The following TRDN variants were observed in gnomAD, a reference collection of about 807,000 sequenced individuals.
TRDN encodes triadin in skeletal muscle.
TRDN carries 161 observed loss-of-function variants against 149.7 expected under a neutral mutation model. The ratio of observed to expected loss-of-function variants is 1.08; its 90% confidence interval spans 0.95 to 1.23. TRDN has a LOEUF of 1.23. Ranked by LOEUF, TRDN falls within the 50% of genes most tolerant of loss-of-function variation. The probability of loss-of-function intolerance (pLI) is 0.00; values close to 1 mark genes in which losing one functional copy is unlikely to be tolerated. For synonymous variants in TRDN, 294 were observed against 250.5 expected, an observed-to-expected ratio of 1.17 and a Z score of -1.64; for missense variants, 896 against 823.5, an observed-to-expected ratio of 1.09 and a Z score of -1.08.
At chr6:123,301,794 TG>T (rs1778438974) in intron 24 of TRDN, among the ~76,000 whole-genome samples, 2 of 138,084 alleles carry the variant, frequency 1.4e-5, no homozygotes, top group African/African-American at 2.6e-5. Flanking sequence ...TATACATAAA[TG>T]AAAATATCTG....
At chr6:123,437,840 A>G (rs1051765939) in intron 12 of TRDN, among the ~76,000 whole-genome samples, 1 of 152,102 alleles carries the variant, frequency 6.6e-6, no homozygotes, top group African/African-American at 2.4e-5. Flanking sequence ...TTGGGGGGGA[A>G]TTGAGTTCAG....
chr6:123,462,264 G>A (rs1776493503), intron 10 of TRDN: 1 of 152,096 alleles, frequency 6.6e-6, no homozygotes, highest in Non-Finnish European at 1.5e-5. Context: ...ACGCAATGTG[G>A]GGACAACACA....
At chr6:123,597,159 T>C (rs529926245) in intron 1 of TRDN, among the ~76,000 whole-genome samples, 25 of 152,202 alleles carry the variant, frequency 1.6e-4, no homozygotes, top group South Asian at 6.2e-4. Context: ...ATTATCAGGA[T>C]TTCCTTAACA....
chr6:123,534,834 C>G (rs1363723430), intron 4 of TRDN, among the ~76,000 whole-genome samples: 1 of 152,078 alleles, frequency 6.6e-6, no homozygotes, highest in Non-Finnish European at 1.5e-5. Flanking sequence ...TTTACTTAAA[C>G]ATCATGACAC....
chr6:123,430,873 A>C (rs566103544), intron 12 of TRDN, among the ~76,000 whole-genome samples: 128 of 152,306 alleles, frequency 8.4e-4, no homozygotes, highest in African/African-American at 2.8e-3. Context: ...ATATGTGAAA[A>C]GTTATCTCAG....
At chr6:123,289,379 G>A (rs1250991534) in intron 24 of TRDN, among the ~76,000 whole-genome samples, 3 of 151,964 alleles carry the variant, frequency 2.0e-5, no homozygotes, top group Non-Finnish European at 4.4e-5. Context: ...CAAAGTTTCA[G>A]TTAAACTGGA....
intron 9 of TRDN, among the ~76,000 whole-genome samples, chr6:123,483,471 A>C (rs912041995): frequency 6.6e-6 from 1 of 152,142 alleles, no homozygotes; most frequent in Admixed American, 6.5e-5. Flanking sequence ...GATGAAAAAA[A>C]TGGCCAAATA....
At position 123,243,871 on chromosome 6, in the gene TRDN, G is replaced by T. The variant is rs139026703; in HGVS notation, c.1975+8541C>A. ...CCCCAGGAGCAAAGAGGGTTGGAAA[G>T]GGTTAGAAAATCTATTTAACGAAAT... is the stretch of plus-strand genomic sequence containing the variant. On this transcript the variant is annotated intron_variant, in intron 38 of 40. Coordinates refer to ENST00000334268, the MANE Select transcript of TRDN (RefSeq NM_006073.4). Among the ~76,000 whole-genome samples, 863 of 152,144 alleles carry T rather than the reference G, an allele frequency of 5.7e-3. 8 individuals carry two copies. Among genetic ancestry groups the T allele is most frequent in the African/African-American group, 0.02 (834 of 41,538 alleles).
chr6:123,583,619 G>A (rs1211825866), intron 1 of TRDN, among the ~76,000 whole-genome samples: 2 of 151,824 alleles, frequency 1.3e-5, no homozygotes, highest in Non-Finnish European at 2.9e-5. Flanking sequence ...ATAAAAGCTT[G>A]TCTGTTATCA....
intron 12 of TRDN, among the ~76,000 whole-genome samples, chr6:123,424,566 T>C (rs1480380269): frequency 6.6e-6 from 1 of 152,164 alleles, no homozygotes; most frequent in Non-Finnish European, 1.5e-5. Context: ...AAGCTAAAAT[T>C]CAGTTGCAAT....
intron 4 of TRDN, among the ~76,000 whole-genome samples, chr6:123,541,850 G>C (rs977855066): frequency 6.6e-6 from 1 of 152,090 alleles, no homozygotes; most frequent in African/African-American, 2.4e-5. Context: ...CACTGAATCT[G>C]CTGGCAAAGA....
At chr6:123,586,868 C>T (rs774566200) in intron 1 of TRDN, among the ~76,000 whole-genome samples, 35 of 151,380 alleles carry the variant, frequency 2.3e-4, no homozygotes, top group Non-Finnish European at 2.7e-4. Flanking sequence ...CACAGAGATA[C>T]AAGGTCAGGG....
At chr6:123,487,796 A>G (rs73544298) in intron 9 of TRDN, among the ~76,000 whole-genome samples, 17,514 of 152,106 alleles carry the variant, frequency 0.12, 1,301 homozygotes, top group Non-Finnish European at 0.16. Context: ...TCATTCACAT[A>G]CAAACAAAGC....
intron 10 of TRDN, among the ~76,000 whole-genome samples, chr6:123,448,845 T>C (rs1045605591): frequency 2.0e-5 from 3 of 152,060 alleles, no homozygotes; most frequent in African/African-American, 7.2e-5. Context: ...TCCACCAGAA[T>C]AGGCACTGGT....
intron 38 of TRDN, among the ~76,000 whole-genome samples, chr6:123,231,244 C>T (rs1582749741): frequency 1.3e-5 from 2 of 152,038 alleles, no homozygotes; most frequent in East Asian, 3.9e-4. Context: ...TGAAAAAGTA[C>T]CCAACCAAAT....
chr6:123,448,564 A>T (rs1775546867), intron 10 of TRDN, among the ~76,000 whole-genome samples: 1 of 151,894 alleles, frequency 6.6e-6, no homozygotes, highest in African/African-American at 2.4e-5. Context: ...CCCATCCCCC[A>T]CAGCAGCTAC....
intron 4 of TRDN, among the ~76,000 whole-genome samples, chr6:123,540,265 G>C (rs952635913): frequency 1.3e-5 from 2 of 152,128 alleles, no homozygotes; most frequent in African/African-American, 4.8e-5. Flanking sequence ...GAGGCATTGA[G>C]GAAGAGAACA....
chr6:123,557,693 T>G (rs1162447102), intron 2 of TRDN, among the ~76,000 whole-genome samples: 2 of 152,080 alleles, frequency 1.3e-5, no homozygotes, highest in Non-Finnish European at 2.9e-5. Flanking sequence ...TGGGAACGCC[T>G]GTCTTGGTCC....
intron 5 of TRDN, chr6:123,528,817 A>G: frequency 1.0e-6 from 1 of 998,774 alleles, no homozygotes; most frequent in Non-Finnish European, 1.2e-6. Flanking sequence ...ACTGTGGAAA[A>G]CATAAGCTCT....
Sources: allele counts gnomAD v4.1 joint callset (sites outside exome capture counted in the v4.1 genomes callset), GRCh38; gene constraint gnomAD v4.1.1; transcripts MANE v1.5; gene names NCBI Gene and HGNC (gene_info 2026-07-23, HGNC 2026-07-21).